Variants in COL14A1 observed in about 807,000 individuals in gnomAD.
COL14A1 encodes the protein collagen alpha-1(XIV) chain.
A neutral mutation model predicts 230.3 loss-of-function variants in COL14A1; 136 were observed. The ratio of observed to expected loss-of-function variants is 0.59; its 90% CI spans 0.51 to 0.68. COL14A1 has a LOEUF of 0.68. Among genes scored for constraint, COL14A1 ranks in the 30% least tolerant of loss-of-function variants. The pLI is 0.00. For synonymous variants in COL14A1, 792 were observed against 784.1 expected (o/e 1.01, Z -0.17); for missense variants, 1,976 against 2,215.8 (o/e 0.89, Z 2.17).
In COL14A1 at chr8:120,370,428, G is replaced by T; in HGVS notation, c.5312-724G>T. On this transcript the variant is annotated intron_variant, in intron 47 of 47. Transcript: ENST00000297848. ...GACATTTAGCTGTGGATACAGAACT[G>T]TCCTGTCAACCACCACCACCACCAA... 8 of 1,594,790 alleles carry T rather than the reference G, an allele frequency of 5.0e-6. No individual in the cohort carries two copies. In the South Asian group the frequency reaches 7.9e-5, roughly 16 times the overall value.
chr8:120,362,279 C>G (rs757374889), intron 45 of COL14A1, among the ~76,000 whole-genome samples: 1 of 152,190 alleles, frequency 6.6e-6, no homozygotes, highest in Non-Finnish European at 1.5e-5. Flanking sequence ...ATAGCAGTGC[C>G]TGCCCTCTTG....
chr8:120,312,898 CT>C (rs1260197600), intron 37 of COL14A1, among the ~76,000 whole-genome samples: 2 of 152,138 alleles, frequency 1.3e-5, no homozygotes, highest in Non-Finnish European at 2.9e-5. Flanking sequence ...AAAAGAATAG[CT>C]TTAGTTGAAG....
At chr8:120,159,453 T>C (rs1815586719) in intron 3 of COL14A1, among the ~76,000 whole-genome samples, 1 of 152,098 alleles carries the variant, frequency 6.6e-6, no homozygotes, top group Admixed American at 6.5e-5. Flanking sequence ...TAATATATAT[T>C]TATGTAAACA....
In COL14A1 at chr8:120,337,444, A is replaced by G. The variant is rs974000018; in HGVS notation, c.4786-3881A>G. On this transcript the variant is annotated intron_variant, in intron 42 of 47. Coordinates refer to ENST00000297848, the MANE Select transcript of COL14A1 (RefSeq NM_021110.4). ...GAAAAAAGAAAAAAGAAAAAAAAGA[A>G]GGTACGTTTATATTCTAGTTAGGCT... Among the ~76,000 whole-genome samples the G allele has an allele frequency of 1.1e-4, 17 of 151,812 alleles. 1 individual carries two copies. The highest frequency in any genetic ancestry group is 2.1e-4 in the Non-Finnish European group (14 of 67,964).
At chr8:120,203,603 T>C in intron 8 of COL14A1, 106 bp from the exon 9 acceptor site, 1 of 864,710 alleles carries the variant, frequency 1.2e-6, no homozygotes. Flanking sequence ...AGATGATGCT[T>C]TGACTGCAGT....
intron 37 of COL14A1, among the ~76,000 whole-genome samples, chr8:120,311,929 C>A (rs6998902): frequency 0.032 from 4,899 of 151,982 alleles, 262 homozygotes; most frequent in African/African-American, 0.11. Context: ...GAAACCCTGT[C>A]TCTACTAAAA....
chr8:120,297,482 T>C, intron 34 of COL14A1, 29 bp from the exon 35 acceptor site: 1 of 1,202,574 alleles, frequency 8.3e-7, no homozygotes, highest in Non-Finnish European at 1.1e-6. Flanking sequence ...TATATTTTAT[T>C]GAATGACAAT....
chr8:120,238,389 G>T (rs1473474159), intron 19 of COL14A1, among the ~76,000 whole-genome samples: 2 of 152,136 alleles, frequency 1.3e-5, no homozygotes, highest in Non-Finnish European at 2.9e-5. Context: ...AAACTTCCAG[G>T]CAGCTTTGTT....
chr8:120,317,348 C>CT (rs35206186), intron 40 of COL14A1, among the ~76,000 whole-genome samples: 2,517 of 152,038 alleles, frequency 0.017, 82 homozygotes, highest in Middle Eastern at 0.071. Flanking sequence ...ACATCCCCCC[C>CT]TTTTTTTTAA....
At chr8:120,193,140 A>T (rs1408637508) in intron 5 of COL14A1, among the ~76,000 whole-genome samples, 1 of 152,102 alleles carries the variant, frequency 6.6e-6, no homozygotes, top group Non-Finnish European at 1.5e-5. Context: ...TAGAGTTTCC[A>T]GTTTTTCTGC....
Position 120,333,963 on chromosome 8 carries a change from C to G in COL14A1, c.4785+1228C>G, listed in dbSNP as rs144078742. Among the ~76,000 whole-genome samples, 735 of 152,334 alleles carry G rather than the reference C, an allele frequency of 4.8e-3. 3 individuals carry two copies. The highest frequency in any genetic ancestry group is 0.016 in the African/African-American group (675 of 41,570). On this transcript the variant is annotated intron_variant, in intron 42 of 47. Transcript: ENST00000297848. ...ATAGATAATCTCCCTAGATAATTCC[C>G]AGATCCTTAACTAAGTCACATTTGC...
chr8:120,304,790 A>G (rs1428279817), intron 36 of COL14A1, among the ~76,000 whole-genome samples: 1 of 152,154 alleles, frequency 6.6e-6, no homozygotes, highest in Non-Finnish European at 1.5e-5. Context: ...CCCAGGGTAT[A>G]TGCAGCACCC....
chr8:120,270,112 A>G lies in COL14A1; in HGVS notation c.3151A>G (p.Ile1051Val). Residue 1051 changes from isoleucine to valine, a missense_variant, in exon 26 of 48, where the codon ATC (isoleucine) becomes GTC (valine). Around this residue, in one of 3 missense-constraint regions of COL14A1, gnomAD observed 1,791 missense variants for 2,019.5 expected, o/e 0.89. Coordinates refer to ENST00000297848, the MANE Select transcript of COL14A1 (RefSeq NM_021110.4). ...CATTGGAGATGAAAATTTCAATAAGATCATCAGCTTTCTATACAGCACTGT... is the reference window on the plus strand; with the variant it reads ...CATTGGAGATGAAAATTTCAATAAGGTCATCAGCTTTCTATACAGCACTGT... ...WSIGDENFNK[I>V]ISFLYSTVGA... 6.2e-7 allele frequency: 1 copy of G among 1,611,684 alleles called. No homozygotes were observed. The highest frequency in any genetic ancestry group is 8.5e-7 in the Non-Finnish European group (1 of 1,178,458).
chr8:120,297,635 ATT>A, intron 35 of COL14A1, 47 bp downstream of exon 35: 2 of 1,144,360 alleles, frequency 1.7e-6, no homozygotes, highest in Non-Finnish European at 2.3e-6. Context: ...ATTGTATTTA[ATT>A]TTCTGGAAAT....
chr8:120,133,757 T>A (rs1051418010), intron 1 of COL14A1, among the ~76,000 whole-genome samples: 8 of 152,072 alleles, frequency 5.3e-5, no homozygotes, highest in African/African-American at 1.9e-4. Flanking sequence ...GTTTCCAGGA[T>A]AAATATTCTG....
intron 42 of COL14A1, among the ~76,000 whole-genome samples, chr8:120,337,401 T>TAAAAAAAAAAAAAA (rs60418574): frequency 7.7e-5 from 10 of 129,440 alleles, no homozygotes; most frequent in Admixed American, 1.6e-4. Flanking sequence ...GTCTCAAAAT[T>TAAAAAAAAAAAAAA]AAAAAAAAAA....
chr8:120,264,819 C>T (rs557696690), intron 24 of COL14A1, among the ~76,000 whole-genome samples: 18 of 152,206 alleles, frequency 1.2e-4, no homozygotes, highest in Middle Eastern at 3.4e-3. Context: ...TTAATGTTCA[C>T]GCTAAGTTCT....
chr8:120,124,764 G>A (rs1330273268), upstream of COL14A1, among the ~76,000 whole-genome samples: 2 of 152,198 alleles, frequency 1.3e-5, no homozygotes, highest in Admixed American at 6.5e-5. Context: ...CACAGCACCT[G>A]AGAACAGGAG....
chr8:120,135,067 A>C (rs1249011362), intron 1 of COL14A1, among the ~76,000 whole-genome samples: 1 of 152,204 alleles, frequency 6.6e-6, no homozygotes, highest in Non-Finnish European at 1.5e-5. Flanking sequence ...AACAAAAGAC[A>C]GCTTAAGTAA....
Sources: allele counts gnomAD v4.1 joint callset (sites outside exome capture counted in the v4.1 genomes callset), GRCh38; gene constraint gnomAD v4.1.1; regional missense constraint gnomAD v4.1.1; transcripts MANE v1.5; gene names NCBI Gene and HGNC (gene_info 2026-07-23, HGNC 2026-07-21).